The following SNX9 variants were observed in gnomAD, a reference collection of about 807,000 sequenced individuals.
SNX9 encodes the protein sorting nexin 9, also known as sorting nexin-9.
Under a neutral mutation model 89.4 loss-of-function variants are expected in SNX9, and 44 were observed. The observed-to-expected ratio is 0.49, with a 90% CI of 0.39 to 0.63. The LOEUF is 0.63. Among genes scored for constraint, SNX9 ranks in the 30% least tolerant of loss-of-function variants. The pLI, the probability that SNX9 is intolerant of heterozygous loss-of-function variation, is 0.00. For missense variants in SNX9, 578 were observed against 736.1 expected, an observed-to-expected ratio of 0.79 and a Z score of 2.49; for synonymous variants, 236 against 247.8, an observed-to-expected ratio of 0.95 and a Z score of 0.45.
At position 157,927,108 on chromosome 6, in the gene SNX9, C is replaced by G; in HGVS notation, c.1081-3C>G. On this transcript the variant is annotated splice_polypyrimidine_tract_variant and splice_region_variant and intron_variant, in intron 10 of 17. Transcript: ENST00000392185. ...TTGAACCTTACAACATTCTCATTTACAGGAATGGAAAACTGGAAAGAGGAA... is the reference window on the plus strand; with the variant it reads ...TTGAACCTTACAACATTCTCATTTAGAGGAATGGAAAACTGGAAAGAGGAA... The G allele has an allele frequency of 6.2e-7, 1 of 1,612,180 alleles. No individual in the cohort carries two copies.
intron 12 of SNX9, among the ~76,000 whole-genome samples, chr6:157,929,970 C>G (rs1463664469): frequency 2.0e-5 from 3 of 152,132 alleles, no homozygotes; most frequent in Admixed American, 2.0e-4. Flanking sequence ...TGGAACACAC[C>G]CATGCCCATT....
intron 1 of SNX9, among the ~76,000 whole-genome samples, chr6:157,860,168 A>G (rs1036849577): frequency 6.6e-6 from 1 of 152,232 alleles, no homozygotes; most frequent in African/African-American, 2.4e-5. Context: ...AGTGTTTTGT[A>G]TGATACAGCC....
At chr6:157,891,029 T>C (rs796513081) in intron 4 of SNX9, among the ~76,000 whole-genome samples, 6 of 114,804 alleles carry the variant, frequency 5.2e-5, no homozygotes, top group African/African-American at 1.4e-4. Context: ...TTCTTTCTCT[T>C]TTTTTTTTTT....
chr6:157,918,591 G>A (rs1375325986), intron 9 of SNX9, among the ~76,000 whole-genome samples: 1 of 152,062 alleles, frequency 6.6e-6, no homozygotes, highest in Admixed American at 6.5e-5. Context: ...TAGGCCATTT[G>A]TATTTAATAT....
intron 10 of SNX9, 31 bp from the exon 11 acceptor site, chr6:157,927,080 C>A (rs1219355361): frequency 1.3e-6 from 2 of 1,551,206 alleles, no homozygotes; most frequent in South Asian, 1.1e-5. Context: ...CTGTGCTCTC[C>A]ACTTGAACCT....
intron 6 of SNX9, among the ~76,000 whole-genome samples, chr6:157,905,240 CG>C (rs931947711): frequency 6.6e-6 from 1 of 152,098 alleles, no homozygotes; most frequent in Non-Finnish European, 1.5e-5. Flanking sequence ...AAAGAAGACA[CG>C]GGCCCCTGAG....
rs200128498 is a variant in SNX9, at chr6:157,901,990, G to C, written c.565G>C (p.Ala189Pro). 3 of 1,613,592 alleles carry C rather than the reference G, an allele frequency of 1.9e-6. No individual in the cohort carries two copies. Among genetic ancestry groups the C allele is most frequent in the Non-Finnish European group, 2.5e-6 (3 of 1,179,900 alleles). Residue 189 changes from alanine (A) to proline (P), a missense_variant, in exon 6 of 18, where the codon GCT (alanine) becomes CCT (proline). Ala to Pro is a conservative substitution (Grantham distance 27). Transcript: ENST00000392185. ...KDSESADAGG[A>P]QRGNSRASSS... is the part of the protein sequence containing the mutation. The stretch of plus-strand genomic sequence containing the variant: ...TTCAGAGTCAGCTGATGCAGGCGGC[G>C]CTCAGCGAGGAAACAGTCGTGCTAG...
intron 1 of SNX9, among the ~76,000 whole-genome samples, chr6:157,827,598 A>G (rs1307738219): frequency 7.7e-6 from 1 of 129,736 alleles, no homozygotes; most frequent in Non-Finnish European, 1.6e-5. Context: ...GTTTATATAT[A>G]TATGAGATAT....
intron 1 of SNX9, among the ~76,000 whole-genome samples, chr6:157,860,101 A>C (rs1017089115): frequency 6.6e-6 from 1 of 152,216 alleles, no homozygotes; most frequent in Non-Finnish European, 1.5e-5. Context: ...AATATTTACT[A>C]TCTGGTCCTG....
chr6:157,852,091 C>T (rs1330428499), intron 1 of SNX9, among the ~76,000 whole-genome samples: 2 of 152,196 alleles, frequency 1.3e-5, no homozygotes, highest in East Asian at 1.9e-4. Context: ...CTTTGGCTTA[C>T]AAGTATCTGA....
intron 8 of SNX9, 24 bp from the exon 9 acceptor site, chr6:157,909,884 T>C (rs777195873): frequency 6.2e-7 from 1 of 1,612,526 alleles, no homozygotes; most frequent in South Asian, 1.1e-5. Flanking sequence ...ATTGGTAACC[T>C]TTTCTCTTTC....
At chr6:157,893,871 G>A (rs117510260) in intron 4 of SNX9, among the ~76,000 whole-genome samples, 1 of 152,176 alleles carries the variant, frequency 6.6e-6, no homozygotes, top group Non-Finnish European at 1.5e-5. Flanking sequence ...ACAGCTAAGA[G>A]ATGTTATGCT....
intron 11 of SNX9, 62 bp from the exon 12 acceptor site, chr6:157,928,537 A>G: frequency 3.0e-6 from 4 of 1,338,162 alleles, no homozygotes; most frequent in South Asian, 2.5e-5. Flanking sequence ...ATTTGGCCCG[A>G]GTATCCCCAC....
chr6:157,832,118 C>T (rs1281108707), intron 1 of SNX9, among the ~76,000 whole-genome samples: 1 of 152,180 alleles, frequency 6.6e-6, no homozygotes, highest in Non-Finnish European at 1.5e-5. Flanking sequence ...TTTAAGGATG[C>T]TATTCAGTCT....
At chr6:157,892,934 A>G (rs1782894335) in intron 4 of SNX9, 2 of 152,018 alleles carry the variant, frequency 1.3e-5, no homozygotes, top group Admixed American at 1.3e-4. Flanking sequence ...ATTCCAACTC[A>G]CTAGGCTCTT....
chr6:157,925,438 A>T lies in SNX9; in HGVS notation c.1081-1673A>T, dbSNP rs112682091. ...TTTGGAAAAGTTTGGCATTTACTGAAGTTGAACCCTCTCATATGACCTGGC... is the reference window on the plus strand; with the variant it reads ...TTTGGAAAAGTTTGGCATTTACTGATGTTGAACCCTCTCATATGACCTGGC... On this transcript the variant is annotated intron_variant, in intron 10 of 17. Coordinates refer to ENST00000392185, the MANE Select transcript of SNX9 (RefSeq NM_016224.5). Among the ~76,000 whole-genome samples the T allele has an allele frequency of 2.9e-3, 443 of 152,156 alleles. 5 individuals are homozygous for T. The highest frequency in any genetic ancestry group is 9.4e-3 in the African/African-American group (390 of 41,396).
chr6:157,871,513 C>T (rs1204843363), intron 2 of SNX9, among the ~76,000 whole-genome samples: 1 of 151,872 alleles, frequency 6.6e-6, no homozygotes, highest in Middle Eastern at 3.2e-3. Context: ...GAACGTCGCA[C>T]ACCAGGGCCT....
chr6:157,910,315 A>G (rs1783312707), intron 9 of SNX9, among the ~76,000 whole-genome samples: 1 of 152,256 alleles, frequency 6.6e-6, no homozygotes, highest in Non-Finnish European at 1.5e-5. Context: ...TACAAAAGAA[A>G]TGTGTACATT....
chr6:157,905,605 C>T (rs150400863), intron 6 of SNX9, among the ~76,000 whole-genome samples: 28 of 149,866 alleles, frequency 1.9e-4, no homozygotes, highest in African/African-American at 5.9e-4. Context: ...ACTTGTTTTC[C>T]GCTGTCATGA....
Sources: gnomAD v4.1 joint callset for allele counts (sites outside exome capture counted in the v4.1 genomes callset) on GRCh38, gnomAD v4.1.1 for gene constraint, MANE v1.5 for transcripts, NCBI Gene and HGNC (gene_info 2026-07-23, HGNC 2026-07-21) for gene names.